The following KAZN variants were observed in gnomAD, a reference collection of about 807,000 sequenced individuals.
The protein encoded by KAZN is kazrin, periplakin interacting protein.
KAZN carries 40 observed loss-of-function variants against 87.4 expected under a neutral mutation model. The observed-to-expected ratio is 0.46, with a 90% CI of 0.36 to 0.60. The LOEUF (loss-of-function observed/expected upper bound fraction) is 0.60. KAZN is among the 20% of genes least tolerant of loss of function. KAZN has a pLI of 0.00. For synonymous variants in KAZN, 466 were observed against 458.3 expected (o/e 1.02, Z -0.22); for missense variants, 898 against 1,073.9 (o/e 0.84, Z 2.29).
intron 2 of KAZN, among the ~76,000 whole-genome samples, chr1:14,247,843 G>A (rs765146609): frequency 4.6e-5 from 7 of 151,780 alleles, no homozygotes; most frequent in Non-Finnish European, 1.0e-4. Flanking sequence ...TTGGGTGTGT[G>A]GCAATAATCT....
chr1:14,291,347 G>A lies in KAZN; in HGVS notation c.249+110755G>A, dbSNP rs113787142. 3.3e-3 allele frequency among the ~76,000 whole-genome samples: 503 copies of A among 152,248 alleles called. 4 individuals are homozygous for A. The highest frequency in any genetic ancestry group is 4.4e-3 in the Admixed American group (67 of 15,294). On this transcript the variant is annotated intron_variant, in intron 2 of 16. Transcript: ENST00000636203. ...AGCTCCCGTGGCCTCCATCCAGTTCGAGCTTCCCTGGCCGCTTTGTTTACC... is the reference window on the plus strand; with the variant it reads ...AGCTCCCGTGGCCTCCATCCAGTTCAAGCTTCCCTGGCCGCTTTGTTTACC...
At chr1:14,852,044 T>G (rs891140769) in intron 1 of KAZN, among the ~76,000 whole-genome samples, 22 of 152,160 alleles carry the variant, frequency 1.4e-4, no homozygotes, top group Non-Finnish European at 2.1e-4. Context: ...GATCTGTGGT[T>G]CTAGGCAATT....
intron 1 of KAZN, among the ~76,000 whole-genome samples, chr1:14,795,765 T>G (rs1201356807): frequency 2.0e-5 from 3 of 152,088 alleles, no homozygotes; most frequent in Non-Finnish European, 4.4e-5. Context: ...CCTCCTTGCT[T>G]TTCTTGTGGC....
intron 2 of KAZN, among the ~76,000 whole-genome samples, chr1:14,218,253 G>A (rs1312206543): frequency 1.3e-5 from 2 of 151,974 alleles, no homozygotes; most frequent in Non-Finnish European, 2.9e-5. Flanking sequence ...AGGTAGAAAA[G>A]GTCAAGTAAA....
intron 1 of KAZN, among the ~76,000 whole-genome samples, chr1:14,106,995 TCCCTCCCTGTCTCCCTC>T (rs1644389779): frequency 1.5e-5 from 1 of 65,104 alleles, no homozygotes; most frequent in African/African-American, 6.2e-5. Flanking sequence ...CCTCCCTCCC[TCCCTCCCTGTCTCCCTC>T]CCCTCCCTCT....
At chr1:14,195,745 A>T (rs1255664625) in intron 2 of KAZN, among the ~76,000 whole-genome samples, 2 of 152,150 alleles carry the variant, frequency 1.3e-5, no homozygotes, top group African/African-American at 4.8e-5. Context: ...TCATTCATTC[A>T]TTTGTTAATT....
At chr1:15,103,991 C>A (rs1043355193) in intron 12 of KAZN, 32 bp from the exon 13 acceptor site, 4 of 1,602,080 alleles carry the variant, frequency 2.5e-6, no homozygotes, top group Non-Finnish European at 3.4e-6. Flanking sequence ...ATGGCCCCTG[C>A]AGGCTAACAA....
chr1:14,923,895 C>G lies in KAZN; in HGVS notation c.227-36789C>G, dbSNP rs1263457141. ...TCAAAGACCGGGGCTCGAGTTCCGTCACAGCCACCCCTGTGACATCGGCCG... is the reference window on the plus strand; with the variant it reads ...TCAAAGACCGGGGCTCGAGTTCCGTGACAGCCACCCCTGTGACATCGGCCG... On this transcript the variant is annotated intron_variant, in intron 1 of 14. Transcript: ENST00000376030. The surrounding 1 kb of genome is among the most constrained non-coding windows in gnomAD (Gnocchi z 4.2). Among the ~76,000 whole-genome samples the G allele has an allele frequency of 1.3e-5, 2 of 152,186 alleles. No individual in the cohort carries two copies. The highest frequency in any genetic ancestry group is 4.8e-5 in the African/African-American group (2 of 41,454).
intron 2 of KAZN, among the ~76,000 whole-genome samples, chr1:14,437,560 C>T (rs1482546963): frequency 5.3e-5 from 8 of 152,190 alleles, no homozygotes; most frequent in Non-Finnish European, 8.8e-5. Flanking sequence ...CCAACAGGAT[C>T]AATTTGCTGT....
intron 2 of KAZN, among the ~76,000 whole-genome samples, chr1:14,509,174 AC>A (rs2148441926): frequency 6.6e-6 from 1 of 152,366 alleles, no homozygotes; most frequent in South Asian, 2.1e-4. Context: ...GGCAAATTCA[AC>A]TACTATTTAT....
chr1:14,426,123 C>T (rs1261602832), intron 2 of KAZN, among the ~76,000 whole-genome samples: 3 of 152,198 alleles, frequency 2.0e-5, no homozygotes, highest in Non-Finnish European at 4.4e-5. Flanking sequence ...GCCTCACTGG[C>T]CTTTAAGCTC....
At chr1:14,169,684 G>T (rs536139057) in intron 1 of KAZN, among the ~76,000 whole-genome samples, 11 of 152,196 alleles carry the variant, frequency 7.2e-5, no homozygotes, top group Non-Finnish European at 1.5e-4. Context: ...CGGGAATTAG[G>T]CAATGGCCAT....
In KAZN at chr1:14,184,254, A is replaced by G. The variant is rs758270487; in HGVS notation, c.249+3662A>G. On this transcript the variant is annotated intron_variant, in intron 2 of 16. Coordinates refer to the KAZN transcript ENST00000636203. This position sits in a 1 kb window ranked among gnomAD's most constrained non-coding sequence, Gnocchi z 4.2. ...CCTCTGCCCTTTTTCTCCCCACCCG[A>G]CCCAGCATCTCTCCTCCTCCCCTCC... Among the ~76,000 whole-genome samples, 3 of 149,556 alleles carry G rather than the reference A, an allele frequency of 2.0e-5. No homozygotes were observed. Among genetic ancestry groups the G allele is most frequent in the Non-Finnish European group, 4.4e-5 (3 of 67,458 alleles).
At chr1:15,051,436 G>A (rs1003644917) in intron 4 of KAZN, among the ~76,000 whole-genome samples, 9 of 152,226 alleles carry the variant, frequency 5.9e-5, no homozygotes, top group African/African-American at 2.2e-4. Flanking sequence ...AATCCTAACT[G>A]AGCACTATGG....
intron 2 of KAZN, among the ~76,000 whole-genome samples, chr1:14,394,649 C>A (rs920792818): frequency 2.0e-5 from 3 of 152,170 alleles, no homozygotes; most frequent in African/African-American, 7.2e-5. Flanking sequence ...ACAATCTTAA[C>A]ACTCTTCACC....
chr1:14,375,895 A>AAC lies in KAZN; in HGVS notation c.249+195304_249+195305insCA, dbSNP rs1270394202. 1.6e-3 allele frequency among the ~76,000 whole-genome samples: 34 copies of AAC among 21,234 alleles called. No individual in the cohort carries two copies. The South Asian group carries it at 0.023, about 15-fold the overall frequency. 13.9% of individuals were successfully genotyped at this position (21,234 alleles called of 152,430 possible). On this transcript the variant is annotated intron_variant, in intron 2 of 16. Transcript: ENST00000636203. ...AGAACAAGACTCCATCTCAAAAACA[A>AAC]AAAAAAAAAAAAGAAATTACATGTG...
At chr1:13,976,988 T>C (rs1035416730) in intron 1 of KAZN, among the ~76,000 whole-genome samples, 3 of 152,230 alleles carry the variant, frequency 2.0e-5, no homozygotes, top group Non-Finnish European at 2.9e-5. Flanking sequence ...AGTAGGGCCA[T>C]AGAGACAATT....
At chr1:14,401,289 T>C (rs1034038486) in intron 2 of KAZN, among the ~76,000 whole-genome samples, 1 of 151,948 alleles carries the variant, frequency 6.6e-6, no homozygotes, top group Non-Finnish European at 1.5e-5. Context: ...AAAAATAGCA[T>C]ATAATAACTG....
At chr1:14,930,858 A>T (rs1013354763) in intron 1 of KAZN, among the ~76,000 whole-genome samples, 33 of 152,016 alleles carry the variant, frequency 2.2e-4, no homozygotes, top group Non-Finnish European at 7.4e-5. Flanking sequence ...GGAGGGGGGA[A>T]CCCTGGGGGC....
Sources: allele counts gnomAD v4.1 joint callset (sites outside exome capture counted in the v4.1 genomes callset), GRCh38; gene constraint gnomAD v4.1.1; non-coding constraint Gnocchi (gnomAD v3.1); transcripts MANE v1.5; gene names NCBI Gene and HGNC (gene_info 2026-07-23, HGNC 2026-07-21).